RP1L1: variants seen among roughly 807,000 people sequenced by gnomAD.
The protein encoded by RP1L1 is RP1 like 1.
In RP1L1, 27 loss-of-function variants were observed where a neutral mutation model predicts 15.7. The observed-to-expected ratio is 1.72, with a 90% CI of 1.27 to 2.38. The LOEUF is 2.38. Ranked by LOEUF, RP1L1 falls within the 30% of genes most tolerant of loss-of-function variation. The pLI, the probability that RP1L1 is intolerant of heterozygous loss-of-function variation, is 0.00. For synonymous variants in RP1L1, 1,813 were observed against 1,276.7 expected (o/e 1.42, Z -8.96); for missense variants, 4,798 against 3,075.9 (o/e 1.56, Z -13.24).
At chr8:10,637,769 A>G (rs548501563) in intron 1 of RP1L1, among the ~76,000 whole-genome samples, 146 of 152,204 alleles carry the variant, frequency 9.6e-4, no homozygotes, top group Non-Finnish European at 1.9e-3. Flanking sequence ...AGGTTGGTTG[A>G]GACAGGAGGG....
At position 10,610,062 on chromosome 8, in the gene RP1L1, CT is replaced by C; in HGVS notation, c.4035del (p.Gly1346GlufsTer11). On this transcript the variant is annotated frameshift_variant, in exon 4 of 4. Transcript: ENST00000382483. LOFTEE classifies it low-confidence loss of function (END_TRUNC). ...GVQLEETKET[E>X]GEGQQEEEAQ... is the part of the protein sequence containing the mutation. ...GCCTCTTCTTCTTGCTGTCCTTCTCCTTCTGTTTCTTTAGTTTCCTCTAACT... is the reference window on the plus strand; with the variant it reads ...GCCTCTTCTTCTTGCTGTCCTTCTCCTCTGTTTCTTTAGTTTCCTCTAACT... The C allele has an allele frequency of 6.8e-7, 1 of 1,470,012 alleles. No individual in the cohort carries two copies. Among genetic ancestry groups the C allele is most frequent in the Non-Finnish European group, 9.1e-7 (1 of 1,093,994 alleles). The allele number at this position is 1,470,012 out of a possible 1,614,324, so 91.1% of individuals were successfully genotyped here. A position where few individuals can be genotyped will look rare whatever the true frequency, so the allele number is the denominator to read the frequency against.
At chr8:10,625,159 G>T (rs1036022070) in intron 1 of RP1L1, among the ~76,000 whole-genome samples, 1 of 152,154 alleles carries the variant, frequency 6.6e-6, no homozygotes, top group Non-Finnish European at 1.5e-5. Context: ...AAATCATGAG[G>T]TTTCTCCTCC....
intron 2 of RP1L1, 63 bp from the exon 3 acceptor site, chr8:10,616,650 TG>T: frequency 2.6e-6 from 4 of 1,538,444 alleles, no homozygotes; most frequent in South Asian, 1.2e-5. Flanking sequence ...CCCTGAGGCC[TG>T]GGGGAGGAAG....
In RP1L1 at chr8:10,612,816, G is replaced by T; in HGVS notation, c.1282C>A (p.Leu428Met). The change falls in exon 4 of 4, where the codon CTG (leucine) becomes ATG (methionine). Residue 428 changes from leucine (L) to methionine (M), a missense_variant. Physicochemically the swap from Leu to Met is conservative, Grantham distance 15. Transcript: ENST00000382483. Reference sequence around the variant, plus strand: ...CCACTGCAGCGGACGTGCTGGGCCAGTCCCCACCTCTTCCGAGCTGCCACT... The same window carrying T: ...CCACTGCAGCGGACGTGCTGGGCCATTCCCCACCTCTTCCGAGCTGCCACT... ...ERVAARKRWG[L>M]AQHVRCSGLW... The T allele has an allele frequency of 6.2e-7, 1 of 1,611,944 alleles. No individual in the cohort carries two copies. Among genetic ancestry groups the T allele is most frequent in the Non-Finnish European group, 8.5e-7 (1 of 1,179,872 alleles).
At chr8:10,636,581 G>GCCT (rs1376238621) in intron 1 of RP1L1, among the ~76,000 whole-genome samples, 3 of 152,096 alleles carry the variant, frequency 2.0e-5, no homozygotes, top group Non-Finnish European at 4.4e-5. Flanking sequence ...CTTCACAACG[G>GCCT]CCTCCTCGGA....
intron 1 of RP1L1, among the ~76,000 whole-genome samples, chr8:10,645,715 T>G (rs954936930): frequency 6.6e-6 from 1 of 151,942 alleles, no homozygotes; most frequent in African/African-American, 2.4e-5. Flanking sequence ...GGCCTTCAGG[T>G]CCTCAACCAA....
At chr8:10,625,243 A>G (rs1798138246) in intron 1 of RP1L1, among the ~76,000 whole-genome samples, 1 of 152,092 alleles carries the variant, frequency 6.6e-6, no homozygotes, top group Admixed American at 6.5e-5. Context: ...CCAGAGAGAG[A>G]ACACCCTACC....
intron 2 of RP1L1, among the ~76,000 whole-genome samples, chr8:10,619,198 G>C (rs980994781): frequency 2.0e-5 from 3 of 152,188 alleles, no homozygotes; most frequent in African/African-American, 7.2e-5. Flanking sequence ...AAAGCTGCCA[G>C]CCCATTTCCT....
At chr8:10,641,711 A>G (rs891880958) in intron 1 of RP1L1, among the ~76,000 whole-genome samples, 1 of 152,254 alleles carries the variant, frequency 6.6e-6, no homozygotes, top group African/African-American at 2.4e-5. Flanking sequence ...AACTTGTAAA[A>G]AAGTATTCAT....
rs374504253 is a variant in RP1L1, at chr8:10,611,706, C to T, written c.2392G>A (p.Asp798Asn). 4.5e-5 allele frequency: 73 copies of T among 1,613,450 alleles called. 2 individuals are homozygous for T. The South Asian group carries it at 7.7e-4, about 17-fold the overall frequency. Residue 798 changes from aspartate to asparagine, a missense_variant, in exon 4 of 4, where the codon GAC (aspartate) becomes AAC (asparagine). By Grantham distance (23) the Asp-to-Asn change is conservative. Transcript: ENST00000382483. ...AAGGGTGAGGAGGGCTGAGGCGTGT[C>T]CCTGGCCTCTTCCCCCAGGCTGGCA... ...GAASLGEEAR[D>N]TPQPSSPLVL...
chr8:10,624,200 C>G (rs1438147011), intron 1 of RP1L1, among the ~76,000 whole-genome samples: 1 of 152,204 alleles, frequency 6.6e-6, no homozygotes, highest in Non-Finnish European at 1.5e-5. Flanking sequence ...CACTCCCTCT[C>G]TCATGTAGCC....
In RP1L1 at chr8:10,623,220, G is replaced by T; in HGVS notation, c.-19C>A. 1 of 1,529,958 alleles carries T rather than the reference G, an allele frequency of 6.5e-7. No homozygotes were observed. Among genetic ancestry groups the T allele is most frequent in the Non-Finnish European group, 8.8e-7 (1 of 1,141,370 alleles). The allele number at this position is 1,529,958 out of a possible 1,614,324, so 94.8% of individuals were successfully genotyped here. On this transcript the variant is annotated splice_region_variant and 5_prime_UTR_variant, in exon 2 of 4. Transcript: ENST00000382483. Reference sequence around the variant, plus strand: ...TGTTCATGGTGTGGGGGCTCTGGCCGCTGTAACAGGGCAGAGGAAGAGGGG... The same window carrying T: ...TGTTCATGGTGTGGGGGCTCTGGCCTCTGTAACAGGGCAGAGGAAGAGGGG...
At chr8:10,636,036 C>A (rs895040737) in intron 1 of RP1L1, among the ~76,000 whole-genome samples, 1 of 152,264 alleles carries the variant, frequency 6.6e-6, no homozygotes. Context: ...TTCAACAGCT[C>A]TGCTGACCAC....
intron 2 of RP1L1, among the ~76,000 whole-genome samples, chr8:10,617,414 A>AG (rs1481520740): frequency 1.3e-5 from 2 of 150,246 alleles, no homozygotes; most frequent in African/African-American, 4.9e-5. Flanking sequence ...AAAAAAAAAA[A>AG]AAAAAAAGAA....
intron 1 of RP1L1, among the ~76,000 whole-genome samples, chr8:10,644,263 T>G (rs1188724439): frequency 6.7e-6 from 1 of 148,406 alleles, no homozygotes; most frequent in East Asian, 2.0e-4. Flanking sequence ...GGATGTCACA[T>G]CACACCTCCA....
rs1369639726 is a variant in RP1L1 at position 10,607,089 on chromosome 8, C to T, written c.7009G>A (p.Glu2337Lys). Residue 2337 changes from glutamate to lysine, a missense_variant, in exon 4 of 4, where the codon GAG becomes AAG. Glu to Lys is a moderately conservative substitution (Grantham distance 56). Transcript: ENST00000382483. ...GGGTACATCCTGGTGGCCTTCCTCT[C>T]TGCATGAGGGGTCCCCGTGGACTTG... is the stretch of plus-strand genomic sequence containing the variant. The part of the protein sequence containing the change: ...DAKSTGTPHA[E>K]RKATRMYPES... 1 of 1,614,252 alleles carries T rather than the reference C, an allele frequency of 6.2e-7. No homozygotes were observed. The highest frequency in any genetic ancestry group is 8.5e-7 in the Non-Finnish European group (1 of 1,180,046).
intron 2 of RP1L1, among the ~76,000 whole-genome samples, chr8:10,620,910 C>T (rs970213772): frequency 6.6e-6 from 1 of 152,166 alleles, no homozygotes; most frequent in Non-Finnish European, 1.5e-5. Context: ...GAATATGGTT[C>T]GGTCACTCTG....
chr8:10,644,032 G>T (rs989542137), intron 1 of RP1L1, among the ~76,000 whole-genome samples: 10 of 152,028 alleles, frequency 6.6e-5, no homozygotes, highest in Non-Finnish European at 1.0e-4. Context: ...GGATTGTATT[G>T]CCCGGGAGTG....
In RP1L1 at chr8:10,652,198, C is replaced by T. The variant is rs145114238; in HGVS notation, c.-20+2700G>A. Among the ~76,000 whole-genome samples, 530 of 152,234 alleles carry T rather than the reference C, an allele frequency of 3.5e-3. 1 individual carries two copies. Among genetic ancestry groups the T allele is most frequent in the African/African-American group, 0.011 (469 of 41,518 alleles). On this transcript the variant is annotated intron_variant, in intron 1 of 3. Transcript: ENST00000382483. ...AAAATGCATTCCCATCATGAAGCCA[C>T]GCATGACTCCACTATAAATAAAAGA...
Sources: allele counts gnomAD v4.1 joint callset (sites outside exome capture counted in the v4.1 genomes callset), GRCh38; gene constraint gnomAD v4.1.1; transcripts MANE v1.5; gene names NCBI Gene and HGNC (gene_info 2026-07-23, HGNC 2026-07-21).